Variants in TMEM144 observed in about 807,000 individuals in gnomAD.
The protein encoded by TMEM144 is transmembrane protein 144.
A neutral mutation model predicts 43.6 loss-of-function variants in TMEM144; 39 were observed. That is an observed-to-expected ratio of 0.90 (90% CI 0.69 to 1.17). TMEM144 has a LOEUF of 1.17. TMEM144 is among the 50% of genes most tolerant of loss of function. The probability of loss-of-function intolerance (pLI) is 0.00; values close to 1 mark genes in which losing one functional copy is unlikely to be tolerated. For missense variants in TMEM144, 417 were observed against 411.9 expected (o/e 1.01, Z -0.11); for synonymous variants, 154 against 133.6 (o/e 1.15, Z -1.06).
chr4:158,234,733 A>G (rs1579130858), intron 7 of TMEM144: 1 of 152,384 alleles, frequency 6.6e-6, no homozygotes, highest in African/African-American at 2.4e-5. Flanking sequence ...TGTATACGAT[A>G]TGAATAGGCT....
chr4:158,253,322 A>G (rs1736304983), intron 12 of TMEM144, 122 bp from the exon 13 acceptor site: 1 of 717,530 alleles, frequency 1.4e-6, no homozygotes, highest in South Asian at 1.9e-5. Context: ...TGGAAGGGGT[A>G]GCAAAAAAGG....
At chr4:158,212,868 T>A in intron 3 of TMEM144, 92 bp downstream of exon 3, 1 of 1,007,766 alleles carries the variant, frequency 9.9e-7, no homozygotes, top group Non-Finnish European at 1.5e-6. Flanking sequence ...CAAAAATAAA[T>A]CATGTTGATC....
chr4:158,235,181 TA>T (rs1460781919), intron 7 of TMEM144: 4 of 367,210 alleles, frequency 1.1e-5, no homozygotes, highest in Non-Finnish European at 1.5e-5. Flanking sequence ...TATTAGTTTT[TA>T]TAGGTGTATC....
At chr4:158,210,852 G>A (rs189219665) in intron 1 of TMEM144, 6 of 152,264 alleles carry the variant, frequency 3.9e-5, no homozygotes, top group Non-Finnish European at 5.9e-5. Flanking sequence ...AGTCTGCGTA[G>A]AAGTTTAAAT....
Position 158,215,262 on chromosome 4 carries a change from T to A in TMEM144, c.181T>A (p.Cys61Ser), listed in dbSNP as rs368748148. Residue 61 changes from cysteine (C) to serine (S), a missense_variant, in exon 4 of 13, where the codon TGT becomes AGT. Physicochemically the swap from Cys to Ser is moderately radical, Grantham distance 112. Transcript: ENST00000296529. The part of the protein sequence containing the change: ...VALVVNLILH[C>S]PKFWPFAMLG... ...CTTGGTTGTCAATCTGATATTACAT[T>A]GTCCAAAGTTTTGGCCTTTTGCAAT... The A allele has an allele frequency of 1.5e-5, 25 of 1,613,788 alleles. No individual in the cohort carries two copies. Among genetic ancestry groups the A allele is most frequent in the Non-Finnish European group, 2.0e-5 (24 of 1,179,822 alleles).
In TMEM144 at chr4:158,250,627, T is replaced by C. The variant is rs145778266; in HGVS notation, c.955-2817T>C. Among the ~76,000 whole-genome samples the C allele has an allele frequency of 3.8e-3, 573 of 152,312 alleles. 3 individuals are homozygous for C. The highest frequency in any genetic ancestry group is 0.012 in the African/African-American group (514 of 41,578). On this transcript the variant is annotated intron_variant, in intron 12 of 12. Coordinates refer to ENST00000296529, the MANE Select transcript of TMEM144 (RefSeq NM_018342.5). ...AAAGACAGAACCACCCTCTACCCTC[T>C]GACCCCTTGCATCTATGCTGGGGGA...
At chr4:158,240,696 T>G (rs937332161) in intron 10 of TMEM144, among the ~76,000 whole-genome samples, 4 of 152,214 alleles carry the variant, frequency 2.6e-5, no homozygotes, top group Non-Finnish European at 5.9e-5. Flanking sequence ...AATAAGATAT[T>G]TTCCTGTGCC....
intron 9 of TMEM144, 93 bp from the exon 10 acceptor site, chr4:158,240,206 T>A: frequency 6.9e-7 from 1 of 1,447,358 alleles, no homozygotes; most frequent in Non-Finnish European, 9.4e-7. Flanking sequence ...TTATTTGCCT[T>A]TAAGGTTAAT....
At chr4:158,243,582 T>C (rs772011903) in intron 11 of TMEM144, among the ~76,000 whole-genome samples, 9 of 152,200 alleles carry the variant, frequency 5.9e-5, no homozygotes, top group Non-Finnish European at 1.3e-4. Context: ...TAAGAAGAAT[T>C]ACCACCAAAC....
chr4:158,222,909 C>CGGCATTTAAAA (rs1734577827), intron 6 of TMEM144, among the ~76,000 whole-genome samples: 1 of 152,190 alleles, frequency 6.6e-6, no homozygotes, highest in Non-Finnish European at 1.5e-5. Context: ...ATGCCTTTGA[C>CGGCATTTAAAA]GGCATTCATA....
intron 9 of TMEM144, among the ~76,000 whole-genome samples, chr4:158,238,940 A>T (rs1735491235): frequency 6.6e-6 from 1 of 152,036 alleles, no homozygotes; most frequent in South Asian, 2.1e-4. Flanking sequence ...ATGAGGGGGG[A>T]TTATTTTTAT....
Position 158,232,925 on chromosome 4 carries a change from A to G in TMEM144, c.438A>G (p.Lys146=). Residue 146 remains lysine (K), a synonymous_variant, in exon 7 of 13, where the codon AAA becomes AAG. Coordinates refer to ENST00000296529, the MANE Select transcript of TMEM144 (RefSeq NM_018342.5). The stretch of plus-strand genomic sequence containing the variant: ...GTGCTTTCATATTTTTGTTCATCAA[A>G]AGTGAAATACCAAATAACACGTGTT... ...VVSAFIFLFI[K]SEIPNNTCSM... 6.2e-7 allele frequency: 1 copy of G among 1,612,170 alleles called. No individual in the cohort carries two copies. The highest frequency in any genetic ancestry group is 2.2e-5 in the East Asian group (1 of 44,802).
chr4:158,239,520 T>C (rs1473623121), intron 9 of TMEM144, among the ~76,000 whole-genome samples: 1 of 152,222 alleles, frequency 6.6e-6, no homozygotes, highest in African/African-American at 2.4e-5. Flanking sequence ...CTGAACAGCC[T>C]TCTGTACAGC....
In TMEM144 at chr4:158,217,339, C is replaced by T. The variant is rs371631128; in HGVS notation, c.251C>T (p.Pro84Leu). 1.2e-6 allele frequency: 2 copies of T among 1,611,874 alleles called. No individual in the cohort carries two copies. The highest frequency in any genetic ancestry group is 1.1e-5 in the South Asian group (1 of 90,878). ...IWATGNIAVV[P>L]IIKTIGLGLG... is the part of the protein sequence containing the mutation. Reference sequence around the variant, plus strand: ...TCTACAGGGAACATTGCTGTTGTCCCAATTATCAAAACCATTGGTTTAGGC... The same window carrying T: ...TCTACAGGGAACATTGCTGTTGTCCTAATTATCAAAACCATTGGTTTAGGC... The change falls in exon 5 of 13, where the codon CCA becomes CTA. Residue 84 changes from proline to leucine, a missense_variant. By Grantham distance (98) the Pro-to-Leu change is moderately conservative. Coordinates refer to ENST00000296529, the MANE Select transcript of TMEM144 (RefSeq NM_018342.5).
chr4:158,212,724 C>T lies in TMEM144; in HGVS notation c.57C>T (p.Ile19=). 6 of 1,613,694 alleles carry T rather than the reference C, an allele frequency of 3.7e-6. No homozygotes were observed. Among genetic ancestry groups the T allele is most frequent in the Non-Finnish European group, 5.1e-6 (6 of 1,179,846 alleles). ...GTTACATCTCCTGTTTTGTAGCTAT[C>T]CTTTTGTTTGGCTCAAATTTTGTGC... ...TFGYISCFVA[I]LLFGSNFVPL... Residue 19 remains isoleucine, a synonymous_variant, in exon 3 of 13, where the codon ATC becomes ATT. Coordinates refer to ENST00000296529, the MANE Select transcript of TMEM144 (RefSeq NM_018342.5).
chr4:158,232,442 G>A (rs747471738), intron 6 of TMEM144, among the ~76,000 whole-genome samples: 24 of 152,168 alleles, frequency 1.6e-4, no homozygotes, highest in Non-Finnish European at 2.5e-4. Flanking sequence ...TGGACACACC[G>A]GTGGCCTCAG....
At chr4:158,212,564 C>A in intron 2 of TMEM144, 44 bp from the exon 3 acceptor site, 2 of 808,408 alleles carry the variant, frequency 2.5e-6, no homozygotes, top group Non-Finnish European at 3.9e-6. Context: ...ACAATTTGGT[C>A]ACAGATTCAC....
At chr4:158,212,847 A>G in intron 3 of TMEM144, 71 bp downstream of exon 3, 2 of 1,168,502 alleles carry the variant, frequency 1.7e-6, no homozygotes, top group Non-Finnish European at 2.5e-6. Context: ...GGTCTTTTAA[A>G]AGTATAGCTA....
intron 12 of TMEM144, among the ~76,000 whole-genome samples, chr4:158,245,236 GTGTGTGTGTGTGTGTGTGTGTGTGTGTA>G (rs1256953472): frequency 1.2e-3 from 109 of 92,600 alleles, no homozygotes; most frequent in African/African-American, 4.9e-3. Context: ...GTGTGTGTGT[GTGTGTGTGTGTGTGTGTGTGTGTGTGTA>G]TGTATGTTTT....
Sources: allele counts gnomAD v4.1 joint callset (sites outside exome capture counted in the v4.1 genomes callset), GRCh38; gene constraint gnomAD v4.1.1; transcripts MANE v1.5; gene names NCBI Gene and HGNC (gene_info 2026-07-23, HGNC 2026-07-21).